ADGRB1: variants seen among roughly 807,000 people sequenced by gnomAD.
ADGRB1 encodes the protein adhesion G protein-coupled receptor B1.
ADGRB1 carries 36 observed loss-of-function variants against 175.7 expected under a neutral mutation model. That is an observed-to-expected ratio of 0.20 (90% CI 0.16 to 0.27). The LOEUF is 0.27. ADGRB1 is among the 10% of genes least tolerant of loss of function. The pLI, the probability that ADGRB1 is intolerant of heterozygous loss-of-function variation, is 1.00. For synonymous variants in ADGRB1, 1,054 were observed against 979.4 expected (o/e 1.08, Z -1.42); for missense variants, 1,731 against 2,255.3 (o/e 0.77, Z 4.71).
In ADGRB1 at chr8:142,474,948, C is replaced by T. The variant is rs888230622; in HGVS notation, c.785-526C>T. On this transcript the variant is annotated intron_variant, in intron 2 of 30. Transcript: ENST00000517894. This position sits in a 1 kb window ranked among gnomAD's most constrained non-coding sequence, Gnocchi z 5.8. ...GCCTTGATCACCACTGGTATACCTG[C>T]GTGGGGTGAAGAAGCGGCTCCAGGT... Among the ~76,000 whole-genome samples the T allele has an allele frequency of 2.0e-5, 3 of 152,126 alleles. No individual in the cohort carries two copies. Among genetic ancestry groups the T allele is most frequent in the South Asian group, 2.1e-4 (1 of 4,834 alleles).
chr8:142,504,910 A>T lies in ADGRB1; in HGVS notation c.2676-6022A>T, dbSNP rs1004740150. Among the ~76,000 whole-genome samples the T allele has an allele frequency of 6.6e-6, 1 of 152,068 alleles. No homozygotes were observed. Among genetic ancestry groups the T allele is most frequent in the African/African-American group, 2.4e-5 (1 of 41,392 alleles). ...TGCCCACTCCTGGCTTCTTTCTGTT[A>T]TGTGGGAGGACACCCTGTGAGTCAT... On this transcript the variant is annotated intron_variant, in intron 17 of 30. Coordinates refer to ENST00000517894, the MANE Select transcript of ADGRB1 (RefSeq NM_001702.3). This position sits in a 1 kb window ranked among gnomAD's most constrained non-coding sequence, Gnocchi z 5.6.
chr8:142,489,007 C>G, intron 14 of ADGRB1, 28 bp from the exon 15 acceptor site: 1 of 1,606,222 alleles, frequency 6.2e-7, no homozygotes, highest in Non-Finnish European at 8.5e-7. Context: ...GGATGGCGGG[C>G]CGGGGTTGAC....
chr8:142,465,011 C>A, intron 2 of ADGRB1, 29 bp downstream of exon 2: 1 of 1,279,332 alleles, frequency 7.8e-7, no homozygotes, highest in Non-Finnish European at 1.0e-6. Context: ...AACCTTCGGA[C>A]AGGGGAGGTG....
In ADGRB1 at chr8:142,464,860, G is replaced by A. The variant is rs1004014425; in HGVS notation, c.662G>A (p.Gly221Asp). The A allele has an allele frequency of 7.9e-6, 12 of 1,521,810 alleles. No individual in the cohort carries two copies. The highest frequency in any genetic ancestry group is 9.6e-6 in the Non-Finnish European group (11 of 1,140,468). 94.3% of individuals were successfully genotyped at this position (1,521,810 alleles called of 1,614,324 possible). The change falls in exon 2 of 31, where the codon GGC becomes GAC. Residue 221 changes from glycine to aspartate, a missense_variant. By Grantham distance (94) the Gly-to-Asp change is moderately conservative. Coordinates refer to ENST00000517894, the MANE Select transcript of ADGRB1 (RefSeq NM_001702.3). The stretch of plus-strand genomic sequence containing the variant: ...TGCGCCTGCCTGGGCGGCGAGGCGG[G>A]CGGCCCTGCCGCGGGACCCCTGGCC... The part of the protein sequence containing the change: ...TPCACLGGEA[G>D]GPAAGPLAPR...
intron 19 of ADGRB1, among the ~76,000 whole-genome samples, chr8:142,519,885 G>C (rs1471305743): frequency 6.7e-6 from 1 of 149,590 alleles, no homozygotes; most frequent in Admixed American, 6.7e-5. Context: ...GGTGATTGTG[G>C]TGGTGGTTGT....
intron 13 of ADGRB1, among the ~76,000 whole-genome samples, chr8:142,485,640 C>T (rs936103567): frequency 6.6e-6 from 1 of 152,216 alleles, no homozygotes; most frequent in Non-Finnish European, 1.5e-5. Flanking sequence ...GCACACACAC[C>T]CTGGGGCCTT....
chr8:142,538,124 G>A (rs947850128), intron 26 of ADGRB1, among the ~76,000 whole-genome samples: 35 of 152,308 alleles, frequency 2.3e-4, no homozygotes, highest in African/African-American at 7.9e-4. Flanking sequence ...GCCACCCTGC[G>A]CACTCCCGTG....
At position 142,492,640 on chromosome 8, in the gene ADGRB1, G is replaced by A. The variant is rs993330949; in HGVS notation, c.2675+1825G>A. 6.6e-6 allele frequency among the ~76,000 whole-genome samples: 1 copy of A among 152,184 alleles called. No homozygotes were observed. The highest frequency in any genetic ancestry group is 1.5e-5 in the Non-Finnish European group (1 of 68,038). On this transcript the variant is annotated intron_variant, in intron 17 of 30. Transcript: ENST00000517894. The surrounding 1 kb of genome is among the most constrained non-coding windows in gnomAD (Gnocchi z 4.4). ...CTGCCTTCTCTGCACCCCACATGGT[G>A]GACTCTGCTATGTTTCCTGCCCTGG...
At chr8:142,477,337 C>T (rs760672036) in intron 5 of ADGRB1, 48 bp from the exon 6 acceptor site, 38 of 1,589,498 alleles carry the variant, frequency 2.4e-5, no homozygotes, top group Admixed American at 1.3e-4. Context: ...GCCAGGGCAG[C>T]GGGGGCGGTG....
At chr8:142,459,243 A>G (rs976238808) in intron 1 of ADGRB1, among the ~76,000 whole-genome samples, 1 of 152,210 alleles carries the variant, frequency 6.6e-6, no homozygotes, top group African/African-American at 2.4e-5. Context: ...CTGACGGAGA[A>G]GCACGGAGCA....
intron 23 of ADGRB1, among the ~76,000 whole-genome samples, chr8:142,526,255 G>A (rs930816525): frequency 4.6e-5 from 7 of 152,180 alleles, no homozygotes; most frequent in Admixed American, 2.0e-4. Context: ...AGGGGCCTCC[G>A]GGCCCTGTGG....
At chr8:142,524,864 G>A (rs1258169741) in intron 23 of ADGRB1, among the ~76,000 whole-genome samples, 1 of 152,106 alleles carries the variant, frequency 6.6e-6, no homozygotes, top group Admixed American at 6.5e-5. Context: ...GGTCACAGAT[G>A]AGCTGCGGCA....
intron 1 of ADGRB1, among the ~76,000 whole-genome samples, chr8:142,453,944 G>A (rs947962208): frequency 6.6e-6 from 1 of 152,324 alleles, no homozygotes; most frequent in Admixed American, 6.5e-5. Flanking sequence ...GTGCGGGTGT[G>A]AGAAATAGAC....
chr8:142,496,191 G>A (rs1842207364), intron 17 of ADGRB1, among the ~76,000 whole-genome samples: 1 of 151,480 alleles, frequency 6.6e-6, no homozygotes, highest in Non-Finnish European at 1.5e-5. Flanking sequence ...ATGTGTGGAT[G>A]GAGGTATGGG....
At chr8:142,465,677 G>A (rs983673858) in intron 2 of ADGRB1, among the ~76,000 whole-genome samples, 1 of 152,210 alleles carries the variant, frequency 6.6e-6, no homozygotes, top group African/African-American at 2.4e-5. Flanking sequence ...CCAGGCCTCA[G>A]GCAGCAATGA....
chr8:142,488,104 C>G (rs1040553756), intron 13 of ADGRB1, among the ~76,000 whole-genome samples: 4 of 152,184 alleles, frequency 2.6e-5, no homozygotes, highest in African/African-American at 9.6e-5. Flanking sequence ...CTGCCCCTCA[C>G]CGAGGCTCCA....
In ADGRB1 at chr8:142,512,743, G is replaced by A. The variant is rs185006455; in HGVS notation, c.2817+1670G>A. On this transcript the variant is annotated intron_variant, in intron 18 of 30. Coordinates refer to ENST00000517894, the MANE Select transcript of ADGRB1 (RefSeq NM_001702.3). Reference sequence around the variant, plus strand: ...ATGACTCGGAGAGAGTCCCAGGAACGGGGCAGTCCCCAGGCGGTGGCATAC... The same window carrying A: ...ATGACTCGGAGAGAGTCCCAGGAACAGGGCAGTCCCCAGGCGGTGGCATAC... Among the ~76,000 whole-genome samples, 94 of 152,358 alleles carry A rather than the reference G, an allele frequency of 6.2e-4. 1 individual carries two copies. In the East Asian group the frequency reaches 0.016, roughly 27 times the overall value.
intron 22 of ADGRB1, among the ~76,000 whole-genome samples, chr8:142,523,324 TGAAG>T: frequency 6.7e-6 from 1 of 150,292 alleles, no homozygotes. Context: ...AACCGAGGCT[TGAAG>T]GGAGGGCCTG....
At chr8:142,528,462 T>G (rs1260168247) in intron 24 of ADGRB1, among the ~76,000 whole-genome samples, 4 of 152,184 alleles carry the variant, frequency 2.6e-5, no homozygotes, top group Non-Finnish European at 5.9e-5. Flanking sequence ...GGGGCTGGTT[T>G]TGCACTTTGG....
Sources: gnomAD v4.1 joint callset for allele counts (sites outside exome capture counted in the v4.1 genomes callset) on GRCh38, gnomAD v4.1.1 for gene constraint, Gnocchi (gnomAD v3.1) non-coding constraint, MANE v1.5 for transcripts, NCBI Gene and HGNC (gene_info 2026-07-23, HGNC 2026-07-21) for gene names.